The following CA10 variants were observed in gnomAD, a reference collection of about 807,000 sequenced individuals.
CA10 encodes the protein carbonic anhydrase 10 (inactive), also known as carbonic anhydrase-related protein 10.
CA10 carries 14 observed loss-of-function variants against 44.2 expected under a neutral mutation model. The observed-to-expected ratio is 0.32, with a 90% CI of 0.21 to 0.50. CA10 has a LOEUF of 0.50. CA10 is among the 20% of genes least tolerant of loss of function. The pLI is 0.99. For missense variants in CA10, 350 were observed against 409.7 expected, an observed-to-expected ratio of 0.85 and a Z score of 1.26; for synonymous variants, 159 against 141.6, an observed-to-expected ratio of 1.12 and a Z score of -0.87.
chr17:52,065,061 A>C (rs1018435125), intron 2 of CA10, among the ~76,000 whole-genome samples: 1 of 152,172 alleles, frequency 6.6e-6, no homozygotes, highest in Admixed American at 6.5e-5. Flanking sequence ...ACCATTTTGC[A>C]CTTGTCACTT....
intron 2 of CA10, among the ~76,000 whole-genome samples, chr17:52,001,055 T>A (rs1985406892): frequency 6.7e-6 from 1 of 149,338 alleles, no homozygotes; most frequent in African/African-American, 2.5e-5. Context: ...AGCACTCTTT[T>A]TGTTGTTAAT....
intron 1 of CA10, among the ~76,000 whole-genome samples, chr17:52,082,711 G>A (rs910001965): frequency 6.6e-6 from 1 of 152,108 alleles, no homozygotes; most frequent in East Asian, 1.9e-4. Context: ...GAAAATTCTG[G>A]TGGTACTTTC....
At chr17:51,861,004 C>A (rs1164022906) in intron 3 of CA10, among the ~76,000 whole-genome samples, 3 of 152,284 alleles carry the variant, frequency 2.0e-5, no homozygotes, top group Admixed American at 6.5e-5. Context: ...ACATAAAATA[C>A]CTTCCATGCC....
At chr17:52,012,886 G>A (rs1171514129) in intron 2 of CA10, among the ~76,000 whole-genome samples, 1 of 151,818 alleles carries the variant, frequency 6.6e-6, no homozygotes, top group Non-Finnish European at 1.5e-5. Context: ...TTCTGCTCAG[G>A]CTTGACCCTG....
At chr17:51,906,950 T>G (rs1264829290) in intron 3 of CA10, among the ~76,000 whole-genome samples, 1 of 152,162 alleles carries the variant, frequency 6.6e-6, no homozygotes, top group East Asian at 1.9e-4. Flanking sequence ...TCCTAGTGTT[T>G]TGTTTCCATC....
intron 3 of CA10, among the ~76,000 whole-genome samples, chr17:51,752,795 A>G (rs904863296): frequency 1.9e-4 from 29 of 152,076 alleles, no homozygotes; most frequent in Non-Finnish European, 4.0e-4. Context: ...GTGTGGTAGC[A>G]GGCACCTGCA....
At chr17:51,916,642 C>T (rs1047011564) in intron 3 of CA10, among the ~76,000 whole-genome samples, 1 of 152,150 alleles carries the variant, frequency 6.6e-6, no homozygotes, top group Non-Finnish European at 1.5e-5. Flanking sequence ...GTCCATTGAA[C>T]CTCTTTTCCC....
At chr17:52,120,432 CCTTATCCTTATCCTT>C (rs1988989667) in intron 1 of CA10, among the ~76,000 whole-genome samples, 1 of 100,388 alleles carries the variant, frequency 1.0e-5, no homozygotes, top group African/African-American at 6.3e-5. Flanking sequence ...TTATCCTTAT[CCTTATCCTTATCCTT>C]ATCCTTATCC....
chr17:51,989,628 AG>A (rs1309964831), intron 2 of CA10, among the ~76,000 whole-genome samples: 1 of 152,100 alleles, frequency 6.6e-6, no homozygotes, highest in Admixed American at 6.6e-5. Context: ...GCTGTAAAAA[AG>A]AATGAGATCA....
In CA10 at chr17:51,635,988, C is replaced by A; in HGVS notation, c.656G>T (p.Gly219Val). ...TGGATATAGTTCCTCTATATTAAGC[C>A]CCTGTAGTAAATATGCATCATCTAG... Reference protein sequence around the residue: ...TYKNDAYLLQGLNIEELYPET... With the variant: ...TYKNDAYLLQVLNIEELYPET... Residue 219 changes from glycine to valine, a missense_variant, in exon 7 of 9, where the codon GGG becomes GTG. Gly to Val is a moderately radical substitution (Grantham distance 109). Coordinates refer to ENST00000451037, the MANE Select transcript of CA10 (RefSeq NM_020178.5). The A allele has an allele frequency of 6.3e-7, 1 of 1,582,704 alleles. No individual in the cohort carries two copies. The highest frequency in any genetic ancestry group is 8.6e-7 in the Non-Finnish European group (1 of 1,163,076).
chr17:51,827,275 T>C (rs1245020640), intron 3 of CA10, among the ~76,000 whole-genome samples: 6 of 152,104 alleles, frequency 3.9e-5, no homozygotes, highest in Admixed American at 6.6e-5. Context: ...TCTGCAGGAC[T>C]TCTCAGAGCA....
intron 3 of CA10, among the ~76,000 whole-genome samples, chr17:51,831,623 G>A (rs1908243362): frequency 6.8e-6 from 1 of 146,702 alleles, no homozygotes; most frequent in Non-Finnish European, 1.5e-5. Context: ...AAACAAAAAA[G>A]AGGAAGGCAT....
At chr17:51,758,465 C>A (rs1905133112) in intron 3 of CA10, among the ~76,000 whole-genome samples, 1 of 152,198 alleles carries the variant, frequency 6.6e-6, no homozygotes, top group South Asian at 2.1e-4. Context: ...TGCTCCCTTT[C>A]CTCCATCCAA....
At chr17:52,019,754 T>G (rs1233098545) in intron 2 of CA10, among the ~76,000 whole-genome samples, 1 of 151,994 alleles carries the variant, frequency 6.6e-6, no homozygotes, top group African/African-American at 2.4e-5. Context: ...ATGCAAGAAA[T>G]ATTTTGTAAT....
At chr17:51,911,179 G>C (rs1328075351) in intron 3 of CA10, among the ~76,000 whole-genome samples, 1 of 152,100 alleles carries the variant, frequency 6.6e-6, no homozygotes, top group African/African-American at 2.4e-5. Context: ...TCTTCACCCT[G>C]GGCCATAGAA....
At chr17:51,791,377 A>G (rs548529960) in intron 3 of CA10, among the ~76,000 whole-genome samples, 3 of 152,366 alleles carry the variant, frequency 2.0e-5, no homozygotes, top group Non-Finnish European at 4.4e-5. Context: ...CAAAGTTAAA[A>G]TTAATATTCC....
chr17:51,903,011 G>T (rs1013429165), intron 3 of CA10, among the ~76,000 whole-genome samples: 2 of 152,148 alleles, frequency 1.3e-5, no homozygotes, highest in Non-Finnish European at 2.9e-5. Flanking sequence ...CTGCCTTCTT[G>T]TTGCCATGCT....
chr17:51,805,317 A>G (rs1268691628), intron 3 of CA10, among the ~76,000 whole-genome samples: 3 of 152,216 alleles, frequency 2.0e-5, no homozygotes, highest in Non-Finnish European at 4.4e-5. Context: ...TTCAAAGGTG[A>G]TTGAGTAAAA....
intron 4 of CA10, among the ~76,000 whole-genome samples, chr17:51,712,893 CAGG>C (rs1015622266): frequency 3.3e-5 from 5 of 152,214 alleles, no homozygotes; most frequent in African/African-American, 1.2e-4. Flanking sequence ...TCCATAAAGG[CAGG>C]AGGAGGGTGA....
Sources: gnomAD v4.1 joint callset for allele counts (sites outside exome capture counted in the v4.1 genomes callset) on GRCh38, gnomAD v4.1.1 for gene constraint, MANE v1.5 for transcripts, NCBI Gene and HGNC (gene_info 2026-07-23, HGNC 2026-07-21) for gene names.